Variants in PELP1 observed in about 807,000 individuals in gnomAD.
The protein encoded by PELP1 is proline, glutamate and leucine rich protein 1.
In PELP1, 32 loss-of-function variants were observed where a neutral mutation model predicts 95.5. The observed-to-expected ratio is 0.34, with a 90% CI of 0.25 to 0.45. The LOEUF is 0.45. Among genes scored for constraint, PELP1 ranks in the 20% least tolerant of loss-of-function variants. PELP1 has a pLI of 1.00. For missense variants in PELP1, 1,358 were observed against 1,444.8 expected (o/e 0.94, Z 0.97); for synonymous variants, 668 against 600.1 (o/e 1.11, Z -1.65).
intron 12 of PELP1, 37 bp downstream of exon 12, chr17:4,674,772 C>A (rs761836696): frequency 6.3e-7 from 1 of 1,593,440 alleles, no homozygotes; most frequent in South Asian, 1.1e-5. Context: ...TCAAAGGGCA[C>A]AGGATGAGTC....
At chr17:4,695,227 C>G (rs1033406545) in intron 1 of PELP1, among the ~76,000 whole-genome samples, 4 of 151,354 alleles carry the variant, frequency 2.6e-5, no homozygotes, top group African/African-American at 9.7e-5. Context: ...GAGGCTGAGG[C>G]AGGAGAATCG....
chr17:4,672,900 CGAGGGCACAGGGCCTGCT>C lies in PELP1; in HGVS notation c.2073_2090del (p.Gly693_Ala698del), dbSNP rs1912287858. 4.3e-6 allele frequency: 7 copies of C among 1,609,634 alleles called. No homozygotes were observed. The highest frequency in any genetic ancestry group is 5.9e-6 in the Non-Finnish European group (7 of 1,176,560). ...CTGTGGTGGGAGGTCCAGGGCGTGC[CGAGGGCACAGGGCCTGCT>C]GAGGGCATGGGGCCTGCTGAAGGCA... On this transcript the variant is annotated inframe_deletion, in exon 16 of 17. Transcript: ENST00000572293.
intron 1 of PELP1, among the ~76,000 whole-genome samples, chr17:4,694,955 G>A (rs1826074618): frequency 6.6e-6 from 1 of 151,438 alleles, no homozygotes; most frequent in African/African-American, 2.4e-5. Flanking sequence ...TTGAACCCAG[G>A]ATGCAGAAAT....
intron 3 of PELP1, among the ~76,000 whole-genome samples, chr17:4,683,448 C>CT (rs370122279): frequency 0.043 from 6,505 of 150,678 alleles, 176 homozygotes; most frequent in Non-Finnish European, 0.057. Flanking sequence ...TCTCGATCTC[C>CT]GACCTCGTGA....
At chr17:4,695,402 G>A (rs574620980) in intron 1 of PELP1, among the ~76,000 whole-genome samples, 61 of 152,074 alleles carry the variant, frequency 4.0e-4, no homozygotes, top group African/African-American at 1.4e-3. Flanking sequence ...CAGGCACGGT[G>A]GCCTATAATC....
intron 5 of PELP1, among the ~76,000 whole-genome samples, chr17:4,681,603 C>T (rs925163639): frequency 6.6e-6 from 1 of 151,912 alleles, no homozygotes; most frequent in South Asian, 2.1e-4. Context: ...AGATCGAGAC[C>T]ATCCTGGCCA....
At chr17:4,691,719 C>A in intron 1 of PELP1, 1 of 432,912 alleles carries the variant, frequency 2.3e-6, no homozygotes, top group Non-Finnish European at 4.2e-6. Context: ...ACTAATCCCA[C>A]TACCAGACTT....
In PELP1 at chr17:4,690,620, G is replaced by A. The variant is rs576749098; in HGVS notation, c.420+268C>T. 3.9e-5 allele frequency among the ~76,000 whole-genome samples: 6 copies of A among 152,196 alleles called. No homozygotes were observed. The East Asian group carries it at 1.2e-3, about 29-fold the overall frequency. ...GCCTGTAATCCCAGCTACTCAGGAG[G>A]CTGAGGCAGGAGAATCATTCGAACC... On this transcript the variant is annotated intron_variant, in intron 3 of 16. Coordinates refer to ENST00000572293, the MANE Select transcript of PELP1 (RefSeq NM_014389.3).
chr17:4,704,096 G>T lies in PELP1; in HGVS notation c.16C>A (p.Leu6Met). 1 of 1,608,168 alleles carries T rather than the reference G, an allele frequency of 6.2e-7. No homozygotes were observed. The highest frequency in any genetic ancestry group is 8.5e-7 in the Non-Finnish European group (1 of 1,178,288). ...GCGGAGCCCGCAGAGGGCCCACTCA[G>T]AACGGCTGCCGCCATCTTCCCCCGG... MAAAV[L>M]SGPSAGSAAG... Residue 6 changes from leucine (L) to methionine (M), a missense_variant, in exon 1 of 17, where the codon CTG becomes ATG. Physicochemically the swap from Leu to Met is conservative, Grantham distance 15 (BLOSUM62 2). Coordinates refer to ENST00000572293, the MANE Select transcript of PELP1 (RefSeq NM_014389.3).
At chr17:4,700,441 T>A (rs149221745) in intron 1 of PELP1, among the ~76,000 whole-genome samples, 44 of 152,124 alleles carry the variant, frequency 2.9e-4, no homozygotes, top group African/African-American at 1.0e-3. Flanking sequence ...GGTCAGAAGT[T>A]CGAGACCAGC....
rs1252912053 is a variant in PELP1, at chr17:4,672,151, TCTTCTTCTTCCTCTAACTCAC to T, written c.2819_2839del (p.Gly940_Glu946del). 4 of 1,551,646 alleles carry T rather than the reference TCTTCTTCTTCCTCTAACTCAC, an allele frequency of 2.6e-6. No individual in the cohort carries two copies. Among genetic ancestry groups the T allele is most frequent in the East Asian group, 4.9e-5 (2 of 40,960 alleles). ...TTCTTCCTCCTCCTCATCCTCCTCT[TCTTCTTCTTCCTCTAACTCAC>T]CTTCTTCTTCCTCAAATTCTTCCTC... On this transcript the variant is annotated inframe_deletion, in exon 16 of 17. Coordinates refer to ENST00000572293, the MANE Select transcript of PELP1 (RefSeq NM_014389.3).
Position 4,670,119 on chromosome 17 carries a change from C to G in PELP1, c.*1320G>C, listed in dbSNP as rs4790672. The G allele has an allele frequency of 0.67, 102,460 of 152,116 alleles. 35,601 individuals are homozygous for G. The highest frequency in any genetic ancestry group is 1 in the East Asian group (5,174 of 5,186). The allele number at this position is 152,116 out of a possible 1,614,324, so 9.4% of individuals were successfully genotyped here. A position where few individuals can be genotyped will look rare whatever the true frequency, so the allele number is the denominator to read the frequency against. On this transcript the variant is annotated 3_prime_UTR_variant, in exon 17 of 17. Transcript: ENST00000572293. Reference sequence around the variant, plus strand: ...GGCAAAGGTTATCTATTATACTGTTCTCACTTTTCTGTTTATTTCGAAAAC... The same window carrying G: ...GGCAAAGGTTATCTATTATACTGTTGTCACTTTTCTGTTTATTTCGAAAAC...
chr17:4,675,529 G>C lies in PELP1; in HGVS notation c.1069-167C>G, dbSNP rs1912426677. On this transcript the variant is annotated intron_variant, in intron 9 of 16. Transcript: ENST00000572293. This position sits in a 1 kb window ranked among gnomAD's most constrained non-coding sequence, Gnocchi z 4.3. The stretch of plus-strand genomic sequence containing the variant: ...ACCCCTATCCTCTAAAATAGACCCT[G>C]GATGGAAGGTAAGAAGGATGGCTGG... The C allele has an allele frequency of 1.4e-6, 1 of 711,640 alleles. No homozygotes were observed. Among genetic ancestry groups the C allele is most frequent in the African/African-American group, 1.7e-5 (1 of 57,380 alleles). 44.1% of individuals were successfully genotyped at this position (711,640 alleles called of 1,614,324 possible). A position where few individuals can be genotyped will look rare whatever the true frequency, so the allele number is the denominator to read the frequency against.
In PELP1 at chr17:4,675,351, T is replaced by A. The variant is rs1912418969; in HGVS notation, c.1080A>T (p.Gly360=). 1 of 1,543,220 alleles carries A rather than the reference T, an allele frequency of 6.5e-7. No homozygotes were observed. Among genetic ancestry groups the A allele is most frequent in the Non-Finnish European group, 8.8e-7 (1 of 1,138,910 alleles). ...GCAGCAGCAGCCGCAGGGGACCATC[T>A]CCATGCAAGCTCTGGAGAAAAAAGG... ...SVSSKNISLH[G]DGPLRLLLLP... is the part of the protein sequence containing the mutation. Residue 360 remains glycine (G), a synonymous_variant, in exon 10 of 17, where the codon GGA becomes GGT. Coordinates refer to ENST00000572293, the MANE Select transcript of PELP1 (RefSeq NM_014389.3). The surrounding 1 kb of genome is among the most constrained non-coding windows in gnomAD (Gnocchi z 4.3).
chr17:4,694,490 A>C (rs1389806168), intron 1 of PELP1, among the ~76,000 whole-genome samples: 8 of 104,868 alleles, frequency 7.6e-5, no homozygotes, highest in Non-Finnish European at 1.4e-4. Flanking sequence ...CATCTCTACC[A>C]AAAATACAAA....
At position 4,674,916 on chromosome 17, in the gene PELP1, C is replaced by T. The variant is rs1454515128; in HGVS notation, c.1315G>A (p.Val439Met). Residue 439 changes from valine (V) to methionine (M), a missense_variant, in exon 12 of 17, where the codon GTG (valine) becomes ATG (methionine). Physicochemically the swap from Val to Met is conservative, Grantham distance 21. Transcript: ENST00000572293. ...TKVYAILELW[V>M]QVCGASAGML... ...CCCGCCGAGGCCCCACAAACCTGCACCCACAGCTCTAATATCGCATACACC... is the reference window on the plus strand; with the variant it reads ...CCCGCCGAGGCCCCACAAACCTGCATCCACAGCTCTAATATCGCATACACC... 6.2e-7 allele frequency: 1 copy of T among 1,613,634 alleles called. No homozygotes were observed.
At chr17:4,691,576 C>T in intron 1 of PELP1, 134 bp from the exon 2 acceptor site, 1 of 685,744 alleles carries the variant, frequency 1.5e-6, no homozygotes, top group South Asian at 1.8e-5. Context: ...AAAAGGCCAT[C>T]CCACTAGAAG....
In PELP1 at chr17:4,670,315, AC is replaced by A. The variant is rs1295139585; in HGVS notation, c.*1123del. On this transcript the variant is annotated 3_prime_UTR_variant, in exon 17 of 17. Coordinates refer to ENST00000572293, the MANE Select transcript of PELP1 (RefSeq NM_014389.3). ...TTCAACTGACTGAGCAAAAAAAACC[AC>A]GGGGCCCCTAGTTCAAGCCCACCAA... The A allele has an allele frequency of 6.6e-6, 1 of 152,114 alleles. No homozygotes were observed. The highest frequency in any genetic ancestry group is 2.4e-5 in the African/African-American group (1 of 41,414). 9.4% of individuals were successfully genotyped at this position (152,114 alleles called of 1,614,324 possible).
chr17:4,691,620 G>A, intron 1 of PELP1, 178 bp from the exon 2 acceptor site: 1 of 605,360 alleles, frequency 1.7e-6, no homozygotes, highest in Non-Finnish European at 2.9e-6. Flanking sequence ...CTGTGGGAAA[G>A]GCTGTTTCTC....
Sources: allele counts gnomAD v4.1 joint callset (sites outside exome capture counted in the v4.1 genomes callset), GRCh38; gene constraint gnomAD v4.1.1; non-coding constraint Gnocchi (gnomAD v3.1); transcripts MANE v1.5; gene names NCBI Gene and HGNC (gene_info 2026-07-23, HGNC 2026-07-21).